Variants in RBMS3 observed in about 807,000 individuals in gnomAD.
The protein encoded by RBMS3 is RNA-binding motif, single-stranded-interacting protein 3.
Under a neutral mutation model 66.8 loss-of-function variants are expected in RBMS3, and 27 were observed. The ratio of observed to expected loss-of-function variants is 0.40; its 90% CI spans 0.30 to 0.56. The LOEUF is 0.56. Among genes scored for constraint, RBMS3 ranks in the 20% least tolerant of loss-of-function variants. The pLI is 0.40. For synonymous variants in RBMS3, 188 were observed against 183.0 expected, an observed-to-expected ratio of 1.03 and a Z score of -0.22; for missense variants, 513 against 549.5, an observed-to-expected ratio of 0.93 and a Z score of 0.66.
At chr3:29,937,420 T>C (rs2061294455) in intron 11 of RBMS3, among the ~76,000 whole-genome samples, 1 of 152,052 alleles carries the variant, frequency 6.6e-6, no homozygotes, top group African/African-American at 2.4e-5. Context: ...CAAATAAATC[T>C]TGTTGACTCA....
intron 10 of RBMS3, among the ~76,000 whole-genome samples, chr3:29,908,317 C>A (rs572566089): frequency 6.6e-6 from 1 of 151,708 alleles, no homozygotes; most frequent in East Asian, 1.9e-4. Context: ...AGAACTCTGA[C>A]TGTTGCATAG....
At chr3:29,522,996 T>G (rs1362904023) in intron 3 of RBMS3, among the ~76,000 whole-genome samples, 1 of 152,246 alleles carries the variant, frequency 6.6e-6, no homozygotes, top group African/African-American at 2.4e-5. Context: ...CTACTAGCAC[T>G]GCTATGAGTG....
chr3:29,623,645 C>T (rs2048957089), intron 4 of RBMS3, among the ~76,000 whole-genome samples: 1 of 149,980 alleles, frequency 6.7e-6, no homozygotes, highest in African/African-American at 2.4e-5. Context: ...CTACTTCCAA[C>T]AATGACATTT....
At position 29,324,463 on chromosome 3, in the gene RBMS3, T is replaced by C. The variant is rs149435450; in HGVS notation, c.75+42707T>C. ...TGGTTCTCTTTCAAAACACGTGGCC[T>C]CCGCCTGGATGACTGGCTTGCTACG... On this transcript the variant is annotated intron_variant, in intron 1 of 14. Coordinates refer to ENST00000383767, the MANE Select transcript of RBMS3 (RefSeq NM_001003793.3). 8.4e-3 allele frequency among the ~76,000 whole-genome samples: 1,285 copies of C among 152,310 alleles called. 13 individuals carry two copies. The highest frequency in any genetic ancestry group is 0.014 in the Non-Finnish European group (922 of 68,030).
At chr3:29,434,306 A>G (rs1689786204) in intron 1 of RBMS3, among the ~76,000 whole-genome samples, 1 of 152,138 alleles carries the variant, frequency 6.6e-6, no homozygotes, top group Non-Finnish European at 1.5e-5. Context: ...AATAGGAGGG[A>G]GTTTCTTTGG....
chr3:29,384,832 G>A (rs2038937230), intron 1 of RBMS3, among the ~76,000 whole-genome samples: 3 of 152,170 alleles, frequency 2.0e-5, no homozygotes, highest in South Asian at 4.1e-4. Context: ...GTTGTGAGCG[G>A]GGAAGAGAGA....
At chr3:29,757,109 G>A (rs1306630419) in intron 5 of RBMS3, among the ~76,000 whole-genome samples, 1 of 152,142 alleles carries the variant, frequency 6.6e-6, no homozygotes, top group African/African-American at 2.4e-5. Flanking sequence ...TCAAGTCTTA[G>A]TCTTTCTGGT....
intron 10 of RBMS3, among the ~76,000 whole-genome samples, chr3:29,906,654 A>C (rs1053494597): frequency 1.3e-5 from 2 of 152,138 alleles, no homozygotes; most frequent in Non-Finnish European, 2.9e-5. Context: ...TTAAAAATCT[A>C]TTAATTGTTC....
intron 2 of RBMS3, among the ~76,000 whole-genome samples, chr3:29,470,838 C>G (rs553720936): frequency 1.0e-4 from 15 of 149,380 alleles, no homozygotes; most frequent in African/African-American, 3.5e-4. Flanking sequence ...AATCAATAAA[C>G]AAACACACAA....
At position 29,312,573 on chromosome 3, in the gene RBMS3, T is replaced by C. The variant is rs2034444304; in HGVS notation, c.75+30817T>C. Among the ~76,000 whole-genome samples the C allele has an allele frequency of 2.6e-5, 4 of 151,704 alleles. No individual in the cohort carries two copies. The South Asian group carries it at 8.3e-4, about 31-fold the overall frequency. On this transcript the variant is annotated intron_variant, in intron 1 of 14. Transcript: ENST00000383767. The stretch of plus-strand genomic sequence containing the variant: ...CTTTCTGAACTCTTGCACTCTCTCT[T>C]CTTTTTGCATTTATATCTGTGTATC...
chr3:29,378,130 T>C (rs1318097992), intron 1 of RBMS3, among the ~76,000 whole-genome samples: 1 of 152,162 alleles, frequency 6.6e-6, no homozygotes, highest in African/African-American at 2.4e-5. Flanking sequence ...ACAAGTCCTT[T>C]AACAGTTCTC....
chr3:29,335,738 G>C (rs1036782384), intron 1 of RBMS3, among the ~76,000 whole-genome samples: 3 of 152,192 alleles, frequency 2.0e-5, no homozygotes, highest in Non-Finnish European at 4.4e-5. Flanking sequence ...ACTCAGCGGG[G>C]AAGACAGGAA....
intron 4 of RBMS3, chr3:29,731,147 C>G: frequency 1.1e-5 from 5 of 462,830 alleles, no homozygotes; most frequent in Non-Finnish European, 1.4e-5. Flanking sequence ...ATCAGTGGTT[C>G]AACACTGGGC....
intron 6 of RBMS3, among the ~76,000 whole-genome samples, chr3:29,784,938 T>C (rs1451097152): frequency 1.3e-5 from 2 of 152,014 alleles, no homozygotes; most frequent in African/African-American, 2.4e-5. Context: ...CTAGAGGAGA[T>C]GGATACATTT....
At chr3:29,517,327 T>TTTTG (rs1553614667) in intron 3 of RBMS3, among the ~76,000 whole-genome samples, 2 of 118,988 alleles carry the variant, frequency 1.7e-5, no homozygotes, top group African/African-American at 8.0e-5. Context: ...ATATTTTTTT[T>TTTTG]TTGTTTTTTT....
At chr3:29,444,387 C>T (rs1178390402) in intron 2 of RBMS3, among the ~76,000 whole-genome samples, 1 of 151,834 alleles carries the variant, frequency 6.6e-6, no homozygotes, top group Admixed American at 6.6e-5. Flanking sequence ...GTTTAAGAGC[C>T]CCATCTCTTA....
chr3:29,452,186 C>G (rs985392730), intron 2 of RBMS3, among the ~76,000 whole-genome samples: 1 of 152,166 alleles, frequency 6.6e-6, no homozygotes, highest in African/African-American at 2.4e-5. Flanking sequence ...GGCTCCCTCT[C>G]AATAGGAAAT....
At chr3:29,374,029 G>T (rs1367432910) in intron 1 of RBMS3, among the ~76,000 whole-genome samples, 2 of 152,194 alleles carry the variant, frequency 1.3e-5, no homozygotes, top group African/African-American at 4.8e-5. Context: ...GTGCACTTTT[G>T]CTGGGAAAGA....
intron 1 of RBMS3, among the ~76,000 whole-genome samples, chr3:29,298,586 A>T (rs968602747): frequency 6.8e-6 from 1 of 147,490 alleles, no homozygotes; most frequent in Admixed American, 6.8e-5. Context: ...ATTCTCCTCA[A>T]GGTGTTTGGC....
Sources: gnomAD v4.1 joint callset for allele counts (sites outside exome capture counted in the v4.1 genomes callset) on GRCh38, gnomAD v4.1.1 for gene constraint, MANE v1.5 for transcripts, NCBI Gene and HGNC (gene_info 2026-07-23, HGNC 2026-07-21) for gene names.